SORBS2: variants seen among roughly 807,000 people sequenced by gnomAD.
SORBS2 encodes the protein sorbin and SH3 domain-containing protein 2.
SORBS2 carries 46 observed loss-of-function variants against 97.7 expected under a neutral mutation model. The ratio of observed to expected loss-of-function variants is 0.47; its 90% CI spans 0.37 to 0.60. The LOEUF (loss-of-function observed/expected upper bound fraction) is 0.60, where lower values mean the gene tolerates loss of function less well. SORBS2 is among the 20% of genes least tolerant of loss of function. The pLI, the probability that SORBS2 is intolerant of heterozygous loss-of-function variation, is 0.00. For synonymous variants in SORBS2, 476 were observed against 473.4 expected (o/e 1.01, Z -0.07); for missense variants, 1,316 against 1,282.3 (o/e 1.03, Z -0.40).
chr4:185,902,872 A>G (rs2099248466), intron 1 of SORBS2, among the ~76,000 whole-genome samples: 2 of 152,196 alleles, frequency 1.3e-5, no homozygotes, highest in Non-Finnish European at 2.9e-5. Flanking sequence ...CCCAACCGTG[A>G]TGTTAATTCT....
intron 1 of SORBS2, among the ~76,000 whole-genome samples, chr4:185,923,109 T>G (rs1226056661): frequency 6.6e-6 from 1 of 152,102 alleles, no homozygotes; most frequent in African/African-American, 2.4e-5. Context: ...ATAATCTGTA[T>G]GGGGGGAGCC....
rs2096452389 is a variant in SORBS2 at position 185,607,465 on chromosome 4, A to G, written c.2796+4315T>C. The G allele has an allele frequency of 4.5e-6, 2 of 440,094 alleles. No homozygotes were observed. 27.3% of individuals were successfully genotyped at this position (440,094 alleles called of 1,614,324 possible). A position where few individuals can be genotyped will look rare whatever the true frequency, so the allele number is the denominator to read the frequency against. On this transcript the variant is annotated intron_variant, in intron 12 of 14. Transcript: ENST00000418609. The surrounding 1 kb of genome is among the most constrained non-coding windows in gnomAD (Gnocchi z 5.2). ...AAAAGATGCGGTGGTGAATATGAAA[A>G]TAATTTTATGTTTAACATAGATTTG...
chr4:185,659,539 C>A (rs550840997), upstream of SORBS2, among the ~76,000 whole-genome samples: 2 of 151,960 alleles, frequency 1.3e-5, no homozygotes, highest in African/African-American at 4.8e-5. Flanking sequence ...GCCTCAGCCT[C>A]CCGAGTAGCT....
exon 1 of SORBS2, chr4:185,656,687 T>G: frequency 6.5e-7 from 1 of 1,550,128 alleles, no homozygotes; most frequent in Non-Finnish European, 8.7e-7. Flanking sequence ...TCTCTTCCAG[T>G]GGACTTGGTC....
At chr4:185,896,282 A>C (rs1359706912) in intron 1 of SORBS2, among the ~76,000 whole-genome samples, 1 of 152,226 alleles carries the variant, frequency 6.6e-6, no homozygotes, top group Non-Finnish European at 1.5e-5. Context: ...AAATCCTCAG[A>C]GAAAGGATTT....
Position 185,735,696 on chromosome 4 carries a change from TTGTGTGTGTGTA to T in SORBS2, c.-198+39519_-198+39530del, listed in dbSNP as rs1016863511. Among the ~76,000 whole-genome samples the T allele has an allele frequency of 3.4e-4, 51 of 152,060 alleles. 3 individuals are homozygous for T. The highest frequency in any genetic ancestry group is 1.2e-3 in the African/African-American group (51 of 41,478). On this transcript the variant is annotated intron_variant, in intron 2 of 20. Transcript: ENST00000284776. ...ATGAAAATATTTACTGTGTGTACGT[TTGTGTGTGTGTA>T]TGTGTGTGTGTGGGTGCAATTTTGT...
At chr4:185,881,248 T>C (rs2099236718) in intron 1 of SORBS2, among the ~76,000 whole-genome samples, 1 of 151,912 alleles carries the variant, frequency 6.6e-6, no homozygotes, top group African/African-American at 2.4e-5. Context: ...AATCAACATA[T>C]GAGAGTGAAA....
At chr4:185,824,546 G>GA (rs1213792175) in intron 1 of SORBS2, among the ~76,000 whole-genome samples, 1 of 152,090 alleles carries the variant, frequency 6.6e-6, no homozygotes, top group African/African-American at 2.4e-5. Context: ...TCCTTTCTGG[G>GA]AAAAAAGCTG....
At chr4:185,710,025 G>C (rs1583205511) in intron 2 of SORBS2, 1 of 152,314 alleles carries the variant, frequency 6.6e-6, no homozygotes, top group Non-Finnish European at 1.5e-5. Context: ...AAAGTCACTT[G>C]AAGTTTTTGG....
intron 1 of SORBS2, among the ~76,000 whole-genome samples, chr4:185,792,775 A>G (rs1302305610): frequency 6.6e-6 from 1 of 152,214 alleles, no homozygotes; most frequent in African/African-American, 2.4e-5. Flanking sequence ...AGAGAGAATG[A>G]TAAAATGAGA....
intron 1 of SORBS2, among the ~76,000 whole-genome samples, chr4:185,879,161 T>TCCCC (rs1176185960): frequency 6.5e-5 from 5 of 77,332 alleles, no homozygotes; most frequent in African/African-American, 4.0e-4. Context: ...CCTAATGCTA[T>TCCCC]CCCTCCCCCC....
intron 4 of SORBS2, 151 bp from the exon 17 acceptor site, chr4:185,630,749 A>G (rs2096892873): frequency 1.7e-6 from 1 of 603,628 alleles, no homozygotes; most frequent in South Asian, 2.0e-5. Flanking sequence ...GTCTTCCCAA[A>G]GAGAGATCAT....
chr4:185,940,833 C>T (rs1486303317), intron 1 of SORBS2, among the ~76,000 whole-genome samples: 4 of 152,246 alleles, frequency 2.6e-5, no homozygotes, highest in Middle Eastern at 3.4e-3. Context: ...TCCTATATTG[C>T]CCTATCTAAA....
intron 4 of SORBS2, among the ~76,000 whole-genome samples, chr4:185,667,549 G>A (rs566443321): frequency 6.6e-6 from 1 of 151,756 alleles, no homozygotes; most frequent in African/African-American, 2.4e-5. Context: ...AAACTTCAGG[G>A]GGACAGAGAC....
chr4:185,929,621 C>T (rs144447925), intron 1 of SORBS2, among the ~76,000 whole-genome samples: 58 of 151,486 alleles, frequency 3.8e-4, no homozygotes, highest in Admixed American at 6.6e-4. Flanking sequence ...CTGGAACCTC[C>T]GCCTCCCGGG....
intron 2 of SORBS2, among the ~76,000 whole-genome samples, chr4:185,682,133 T>A (rs1000888124): frequency 1.3e-5 from 2 of 152,222 alleles, no homozygotes; most frequent in Non-Finnish European, 2.9e-5. Flanking sequence ...CTTGTGAGTC[T>A]GGGAAACGAT....
At position 185,623,547 on chromosome 4, in the gene SORBS2, A is replaced by T; in HGVS notation, c.1582T>A (p.Phe528Ile). The T allele has an allele frequency of 6.2e-7, 1 of 1,613,934 alleles. No individual in the cohort carries two copies. The highest frequency in any genetic ancestry group is 8.5e-7 in the Non-Finnish European group (1 of 1,180,002). Residue 528 changes from phenylalanine to isoleucine, a missense_variant, in exon 7 of 15, where the codon TTT becomes ATT. Transcript: ENST00000418609. The surrounding 1 kb of genome is among the most constrained non-coding windows in gnomAD (Gnocchi z 6.4). ...GAGGATGTGAAGGAAAAGTGATCAA[A>T]GTCACTTTCACTGCAGAAGGATGAC...
intron 1 of SORBS2, among the ~76,000 whole-genome samples, chr4:185,855,340 T>G (rs2099220179): frequency 6.6e-6 from 1 of 152,200 alleles, no homozygotes; most frequent in African/African-American, 2.4e-5. Context: ...AGTACATACG[T>G]GGACACACAC....
At chr4:185,779,230 C>T (rs1431203137) in intron 1 of SORBS2, among the ~76,000 whole-genome samples, 2 of 152,310 alleles carry the variant, frequency 1.3e-5, no homozygotes, top group East Asian at 3.9e-4. Flanking sequence ...TTCGAATCCT[C>T]ATCCTGCCAC....
Sources: gnomAD v4.1 joint callset for allele counts (sites outside exome capture counted in the v4.1 genomes callset) on GRCh38, gnomAD v4.1.1 for gene constraint, Gnocchi (gnomAD v3.1) non-coding constraint, MANE v1.5 for transcripts, NCBI Gene and HGNC (gene_info 2026-07-23, HGNC 2026-07-21) for gene names.